Variants in JARID2 observed in about 807,000 individuals in gnomAD.
JARID2 encodes protein Jumonji.
JARID2 carries 21 observed loss-of-function variants against 125.6 expected under a neutral mutation model. That is an observed-to-expected ratio of 0.17 (90% CI 0.12 to 0.24). The LOEUF is 0.24. Among genes scored for constraint, JARID2 ranks in the 10% least tolerant of loss-of-function variants. JARID2 has a pLI of 1.00. For synonymous variants in JARID2, 736 were observed against 661.6 expected, an observed-to-expected ratio of 1.11 and a Z score of -1.73; for missense variants, 1,303 against 1,639.6, an observed-to-expected ratio of 0.79 and a Z score of 3.55.
intron 1 of JARID2, among the ~76,000 whole-genome samples, chr6:15,297,284 G>A (rs550720474): frequency 6.6e-6 from 1 of 152,204 alleles, no homozygotes; most frequent in Admixed American, 6.5e-5. Context: ...CGAGTAGCTG[G>A]GATTATAGGC....
intron 4 of JARID2, among the ~76,000 whole-genome samples, chr6:15,455,192 C>CAA (rs36088738): frequency 0.013 from 1,654 of 128,634 alleles, 18 homozygotes; most frequent in Middle Eastern, 0.037. Flanking sequence ...CACTTTGTCT[C>CAA]AAAAAAAAAA....
intron 2 of JARID2, among the ~76,000 whole-genome samples, chr6:15,402,655 A>T (rs1228849447): frequency 1.3e-5 from 2 of 152,198 alleles, no homozygotes; most frequent in African/African-American, 4.8e-5. Context: ...ATGGTTACAC[A>T]TCAGCCTAAG....
chr6:15,406,412 G>A (rs1321887395), intron 2 of JARID2, among the ~76,000 whole-genome samples: 1 of 152,204 alleles, frequency 6.6e-6, no homozygotes, highest in African/African-American at 2.4e-5. Flanking sequence ...CCAGCCTCAT[G>A]ACAGAGCGAG....
chr6:15,503,541 A>G (rs879582841), intron 8 of JARID2, among the ~76,000 whole-genome samples: 2 of 151,514 alleles, frequency 1.3e-5, no homozygotes, highest in Non-Finnish European at 2.9e-5. Flanking sequence ...ACCCTCCCCC[A>G]CTCTACATGA....
intron 3 of JARID2, among the ~76,000 whole-genome samples, chr6:15,416,419 A>ACTCC (rs1026973692): frequency 2.6e-5 from 4 of 151,966 alleles, no homozygotes; most frequent in Non-Finnish European, 4.4e-5. Context: ...AGTGAACCAG[A>ACTCC]CTCCGTCTGC....
intron 1 of JARID2, among the ~76,000 whole-genome samples, chr6:15,305,909 C>A (rs747287800): frequency 6.6e-6 from 1 of 152,102 alleles, no homozygotes; most frequent in Non-Finnish European, 1.5e-5. Flanking sequence ...ATTATCTTAC[C>A]CATTAATACA....
chr6:15,408,941 C>T (rs1765762210), intron 2 of JARID2, among the ~76,000 whole-genome samples: 1 of 152,176 alleles, frequency 6.6e-6, no homozygotes, highest in Non-Finnish European at 1.5e-5. Context: ...ATTGTAGTCA[C>T]AACTCTTAAA....
chr6:15,392,409 G>A (rs1018823283), intron 2 of JARID2, among the ~76,000 whole-genome samples: 1 of 152,036 alleles, frequency 6.6e-6, no homozygotes. Context: ...TGCTGCATTT[G>A]CCCCCTGAAA....
At chr6:15,252,294 A>G (rs1759486602) in intron 1 of JARID2, among the ~76,000 whole-genome samples, 1 of 152,168 alleles carries the variant, frequency 6.6e-6, no homozygotes, top group Admixed American at 6.5e-5. Flanking sequence ...TTAATACAAA[A>G]TGTTAGGGAA....
intron 1 of JARID2, among the ~76,000 whole-genome samples, chr6:15,282,059 T>C (rs768529755): frequency 4.6e-5 from 7 of 151,986 alleles, no homozygotes; most frequent in Non-Finnish European, 8.8e-5. Context: ...AGACCATTCT[T>C]GTGTGGTAGC....
chr6:15,493,893 GTT>G (rs1770276914), intron 6 of JARID2, among the ~76,000 whole-genome samples: 1 of 151,758 alleles, frequency 6.6e-6, no homozygotes. Context: ...TTATAAATCT[GTT>G]TTAAATTTAT....
chr6:15,322,726 G>A (rs898490276), intron 1 of JARID2, among the ~76,000 whole-genome samples: 14 of 152,186 alleles, frequency 9.2e-5, no homozygotes, highest in Admixed American at 2.6e-4. Flanking sequence ...TAGGGAGCCA[G>A]CAGCTCATTT....
chr6:15,246,697 G>A, intron 1 of JARID2, 113 bp downstream of exon 1: 1 of 955,414 alleles, frequency 1.0e-6, no homozygotes, highest in Non-Finnish European at 1.6e-6. Context: ...CGTCCGATAA[G>A]GCTGTTTCTT....
intron 1 of JARID2, among the ~76,000 whole-genome samples, chr6:15,295,673 T>C (rs1761386790): frequency 6.6e-6 from 1 of 152,124 alleles, no homozygotes; most frequent in South Asian, 2.1e-4. Context: ...TATTTATTTA[T>C]TTATTTTTGA....
chr6:15,376,660 G>T lies in JARID2; in HGVS notation c.181+2408G>T, dbSNP rs527406888. ...GATCACTTGAACCCAGGAGGTCAAGGCTGCATTGAGCTATGTTCACACCAC... is the reference window on the plus strand; with the variant it reads ...GATCACTTGAACCCAGGAGGTCAAGTCTGCATTGAGCTATGTTCACACCAC... On this transcript the variant is annotated intron_variant, in intron 2 of 17. Transcript: ENST00000341776. Among the ~76,000 whole-genome samples the T allele has an allele frequency of 5.9e-5, 9 of 152,246 alleles. No individual in the cohort carries two copies. In the East Asian group the frequency reaches 1.7e-3, roughly 29 times the overall value.
chr6:15,264,042 C>G (rs1289021711), intron 1 of JARID2, among the ~76,000 whole-genome samples: 4 of 152,202 alleles, frequency 2.6e-5, no homozygotes, highest in Non-Finnish European at 5.9e-5. Context: ...TAGAGCTGCG[C>G]TTCACCATGC....
At chr6:15,417,341 A>G (rs925985043) in intron 3 of JARID2, among the ~76,000 whole-genome samples, 2 of 152,216 alleles carry the variant, frequency 1.3e-5, no homozygotes, top group Non-Finnish European at 2.9e-5. Flanking sequence ...GGCAGGTTAT[A>G]TAATATGTCT....
intron 14 of JARID2, 121 bp downstream of exon 14, chr6:15,512,511 A>G: frequency 1.1e-6 from 1 of 942,274 alleles, no homozygotes; most frequent in Non-Finnish European, 1.6e-6. Flanking sequence ...CTTTTGGAAT[A>G]TGTCTTTGAA....
At chr6:15,328,158 A>G (rs1256201599) in intron 1 of JARID2, among the ~76,000 whole-genome samples, 5 of 152,114 alleles carry the variant, frequency 3.3e-5, no homozygotes, top group African/African-American at 1.2e-4. Context: ...GTGGCTTGCA[A>G]CACTCCTGGA....
Sources: gnomAD v4.1 joint callset for allele counts (sites outside exome capture counted in the v4.1 genomes callset) on GRCh38, gnomAD v4.1.1 for gene constraint, MANE v1.5 for transcripts, NCBI Gene and HGNC (gene_info 2026-07-23, HGNC 2026-07-21) for gene names.